Variants in NPEPL1 observed in about 807,000 individuals in gnomAD.
NPEPL1 encodes the protein probable aminopeptidase NPEPL1.
NPEPL1 carries 45 observed loss-of-function variants against 52.4 expected under a neutral mutation model. That is an observed-to-expected ratio of 0.86 (90% CI 0.68 to 1.10). The LOEUF is 1.10. NPEPL1 is among the 50% of genes least tolerant of loss of function. NPEPL1 has a pLI of 0.00. For synonymous variants in NPEPL1, 360 were observed against 314.7 expected (o/e 1.14, Z -1.52); for missense variants, 696 against 710.9 (o/e 0.98, Z 0.24).
Position 58,713,825 on chromosome 20 carries a change from A to G in NPEPL1, c.1126-92A>G, listed in dbSNP as rs1302370784. 1.8e-5 allele frequency: 24 copies of G among 1,320,738 alleles called. No individual in the cohort carries two copies. Among genetic ancestry groups the G allele is most frequent in the African/African-American group, 3.0e-5 (2 of 66,414 alleles). The allele number at this position is 1,320,738 out of a possible 1,614,324, so 81.8% of individuals were successfully genotyped here. Reference sequence around the variant, plus strand: ...CAACCGTCTCTTTTCTGGCTCCCTTATTTCTCTGTCTGCCTCCCGGTCCCT... The same window carrying G: ...CAACCGTCTCTTTTCTGGCTCCCTTGTTTCTCTGTCTGCCTCCCGGTCCCT... On this transcript the variant is annotated intron_variant, in intron 9 of 11. Coordinates refer to ENST00000356091, the MANE Select transcript of NPEPL1 (RefSeq NM_024663.4). The surrounding 1 kb of genome is among the most constrained non-coding windows in gnomAD (Gnocchi z 4.6).
intron 11 of NPEPL1, chr20:58,714,920 T>G: frequency 1.6e-6 from 1 of 612,762 alleles, no homozygotes; most frequent in Non-Finnish European, 2.8e-6. Flanking sequence ...ATCCCCACCC[T>G]GAGGAGCTCC....
At chr20:58,711,419 A>C (rs575185669) in intron 7 of NPEPL1, 86 of 152,576 alleles carry the variant, frequency 5.6e-4, no homozygotes, top group African/African-American at 1.8e-3. Flanking sequence ...TGAGAGGAGG[A>C]GGCTGAGGGT....
intron 7 of NPEPL1, among the ~76,000 whole-genome samples, chr20:58,710,471 G>A (rs570625260): frequency 6.6e-6 from 1 of 151,894 alleles, no homozygotes; most frequent in East Asian, 1.9e-4. Flanking sequence ...GGCTCTGGGG[G>A]TGTTAGCGAC....
rs780690165 is a variant in NPEPL1, at chr20:58,693,748, T to A, written c.162T>A (p.Ala54=). 5 of 1,605,208 alleles carry A rather than the reference T, an allele frequency of 3.1e-6. No homozygotes were observed. Among genetic ancestry groups the A allele is most frequent in the African/African-American group, 2.7e-5 (2 of 74,760 alleles). The change falls in exon 2 of 12, where the codon GCT becomes GCA. Residue 54 remains alanine (A), a synonymous_variant. Coordinates refer to ENST00000356091, the MANE Select transcript of NPEPL1 (RefSeq NM_024663.4). ...CCCTTCTGATCTAGCTCTGGCAGGC[T>A]GCCCTGAGCACGCTCAACCCCAACC... ...QPRVTEELWQ[A]ALSTLNPNPT...
chr20:58,696,513 GA>G, intron 3 of NPEPL1, among the ~76,000 whole-genome samples: 3 of 152,370 alleles, frequency 2.0e-5, no homozygotes, highest in Middle Eastern at 6.8e-3. Context: ...AACATCTGGT[GA>G]TGGAACCAGT....
intron 6 of NPEPL1, among the ~76,000 whole-genome samples, chr20:58,706,036 A>T (rs7343623): frequency 6.6e-6 from 1 of 152,096 alleles, no homozygotes; most frequent in Non-Finnish European, 1.5e-5. Context: ...AGTAAATTTC[A>T]TACCCAAACC....
At chr20:58,707,729 GGTGACCTTGA>G (rs1329848700) in intron 7 of NPEPL1, among the ~76,000 whole-genome samples, 1 of 151,632 alleles carries the variant, frequency 6.6e-6, no homozygotes, top group African/African-American at 2.4e-5. Flanking sequence ...GGGGGTGGGG[GGTGACCTTGA>G]GTGACCTTCC....
intron 6 of NPEPL1, chr20:58,703,349 A>G (rs1015794442): frequency 2.2e-6 from 1 of 464,094 alleles, no homozygotes; most frequent in African/African-American, 2.2e-5. Flanking sequence ...GACTTTGTTC[A>G]GAGATACCGG....
At chr20:58,697,707 G>A (rs2084521293) in intron 3 of NPEPL1, among the ~76,000 whole-genome samples, 1 of 152,252 alleles carries the variant, frequency 6.6e-6, no homozygotes, top group South Asian at 2.1e-4. Flanking sequence ...AAGCTTCTGT[G>A]CCTGGGGATG....
Position 58,713,640 on chromosome 20 carries a change from G to A in NPEPL1, c.1125+97G>A, listed in dbSNP as rs539039700. The stretch of plus-strand genomic sequence containing the variant: ...GGGAAGGCAGCGCGTGGGGGCTGCC[G>A]TCAGGAAGTTTTCATAACTGGGCAC... On this transcript the variant is annotated intron_variant, in intron 9 of 11. Transcript: ENST00000356091. This position sits in a 1 kb window ranked among gnomAD's most constrained non-coding sequence, Gnocchi z 4.6. The A allele has an allele frequency of 1.4e-4, 194 of 1,414,534 alleles. No homozygotes were observed. Among genetic ancestry groups the A allele is most frequent in the Middle Eastern group, 9.3e-4 (5 of 5,358 alleles). The allele number at this position is 1,414,534 out of a possible 1,614,324, so 87.6% of individuals were successfully genotyped here.
chr20:58,691,364 C>CTTTTTTTTTTTTTTTTTTTTTTTTTTTT (rs59929508), upstream of NPEPL1: 1 of 163,678 alleles, frequency 6.1e-6, no homozygotes, highest in Non-Finnish European at 1.0e-5. Context: ...CATTCAACAG[C>CTTTTTTTTTTTTTTTTTTTTTTTTTTTT]TTTTTTTTTT....
intron 7 of NPEPL1, 26 bp downstream of exon 7, chr20:58,707,226 C>T (rs1237500612): frequency 2.6e-6 from 4 of 1,537,098 alleles, no homozygotes; most frequent in Admixed American, 4.0e-5. Flanking sequence ...CCGCCCTCTG[C>T]AGGGGCATCC....
upstream of NPEPL1, chr20:58,689,163 C>G (rs2084307436): frequency 6.6e-6 from 1 of 152,296 alleles, no homozygotes; most frequent in African/African-American, 2.4e-5. Flanking sequence ...CTGCCTGAGG[C>G]ACTTCCACTG....
Position 58,713,720 on chromosome 20 carries a change from G to T in NPEPL1, c.1125+177G>T. 9.1e-7 allele frequency: 1 copy of T among 1,093,816 alleles called. No homozygotes were observed. 67.8% of individuals were successfully genotyped at this position (1,093,816 alleles called of 1,614,324 possible). A position where few individuals can be genotyped will look rare whatever the true frequency, so the allele number is the denominator to read the frequency against. Reference sequence around the variant, plus strand: ...TTGGTGTGGGCAGTACCGAGGCCCAGGCTGGATGCAGAGCCGGGAACCGCC... The same window carrying T: ...TTGGTGTGGGCAGTACCGAGGCCCATGCTGGATGCAGAGCCGGGAACCGCC... On this transcript the variant is annotated intron_variant, in intron 9 of 11. Coordinates refer to ENST00000356091, the MANE Select transcript of NPEPL1 (RefSeq NM_024663.4). The surrounding 1 kb of genome is among the most constrained non-coding windows in gnomAD (Gnocchi z 4.6).
chr20:58,691,562 G>A (rs1184350112), upstream of NPEPL1: 1 of 643,196 alleles, frequency 1.6e-6, no homozygotes, highest in African/African-American at 1.8e-5. Context: ...GGACAGGGAA[G>A]GTGAAAGCCT....
chr20:58,692,572 C>G, upstream of NPEPL1: 1 of 140,022 alleles, frequency 7.1e-6, no homozygotes, highest in Non-Finnish European at 1.6e-5. This position sits in a 1 kb window ranked among gnomAD's most constrained non-coding sequence, Gnocchi z 5.7. Flanking sequence ...CACGTCGCCC[C>G]GCGTGTTGGG....
At chr20:58,698,118 G>C (rs993747406) in intron 3 of NPEPL1, among the ~76,000 whole-genome samples, 5 of 152,234 alleles carry the variant, frequency 3.3e-5, no homozygotes, top group African/African-American at 1.2e-4. Flanking sequence ...GAAAGCAACG[G>C]CCCAGAGGGA....
intron 5 of NPEPL1, among the ~76,000 whole-genome samples, chr20:58,700,006 T>C (rs1194799690): frequency 6.6e-6 from 1 of 152,206 alleles, no homozygotes; most frequent in Non-Finnish European, 1.5e-5. Flanking sequence ...ATCTGAGGGC[T>C]TGCCTGGGGC....
chr20:58,691,717 T>TTTTG, upstream of NPEPL1: 11 of 747,884 alleles, frequency 1.5e-5, no homozygotes, highest in South Asian at 3.4e-5. Flanking sequence ...TTTTTTTTCA[T>TTTTG]TTTTAGGCTG....
Sources: allele counts gnomAD v4.1 joint callset (sites outside exome capture counted in the v4.1 genomes callset), GRCh38; gene constraint gnomAD v4.1.1; non-coding constraint Gnocchi (gnomAD v3.1); transcripts MANE v1.5; gene names NCBI Gene and HGNC (gene_info 2026-07-23, HGNC 2026-07-21).